The following MAPK8IP3 variants were observed in gnomAD, a reference collection of about 807,000 sequenced individuals.
The protein encoded by MAPK8IP3 is C-Jun-amino-terminal kinase-interacting protein 3.
Under a neutral mutation model 157.8 loss-of-function variants are expected in MAPK8IP3, and 49 were observed. That is an observed-to-expected ratio of 0.31 (90% CI 0.25 to 0.39). The LOEUF (loss-of-function observed/expected upper bound fraction) is 0.39. Ranked by LOEUF, MAPK8IP3 falls within the 10% of genes least tolerant of loss-of-function variation. MAPK8IP3 has a pLI of 1.00. For missense variants in MAPK8IP3, 1,478 were observed against 1,889.4 expected (o/e 0.78, Z 4.04); for synonymous variants, 897 against 777.7 (o/e 1.15, Z -2.55).
Position 1,763,686 on chromosome 16 carries a change from A to G in MAPK8IP3, c.1928A>G (p.Gln643Arg). The G allele has an allele frequency of 6.3e-7, 1 of 1,592,268 alleles. No homozygotes were observed. Among genetic ancestry groups the G allele is most frequent in the Non-Finnish European group, 8.6e-7 (1 of 1,167,784 alleles). ...DDCTSSARRE[Q>R]KREQYRQVRE... ...TGCACGTCCTCCGCCCGTCGAGAGC[A>G]GAAGCGCGAGCAGTACCGCCAGGTG... The change falls in exon 17 of 32, where the codon CAG becomes CGG. Residue 643 changes from glutamine (Q) to arginine (R), a missense_variant. By Grantham distance (43) the Gln-to-Arg change is conservative. This residue lies in a region of MAPK8IP3 where 669 missense variants were observed against 759.8 expected (regional missense o/e 0.88). Coordinates refer to ENST00000610761, the MANE Select transcript of MAPK8IP3 (RefSeq NM_001318852.2).
At position 1,758,011 on chromosome 16, in the gene MAPK8IP3, C is replaced by G; in HGVS notation, c.1217-137C>G. ...GGACCTGCTGGAGGCTGCTCCCTCT[C>G]TCTCCTGCCCTGCAACATGGGAGCA... On this transcript the variant is annotated intron_variant, in intron 8 of 31. Transcript: ENST00000610761. 5 of 858,352 alleles carry G rather than the reference C, an allele frequency of 5.8e-6. No individual in the cohort carries two copies. In the South Asian group the frequency reaches 7.8e-5, roughly 13 times the overall value. 53.2% of individuals were successfully genotyped at this position (858,352 alleles called of 1,614,324 possible).
In MAPK8IP3 at chr16:1,760,445, A is replaced by G; in HGVS notation, c.1370A>G (p.Glu457Gly). The change falls in exon 12 of 32, where the codon GAG (glutamate) becomes GGG (glycine). Residue 457 changes from glutamate (E) to glycine (G), a missense_variant. Transcript: ENST00000610761. ...AKVDQLSGEQ[E>G]VLRGELEAAK... ...GTCGACCAGCTGTCCGGGGAGCAGG[A>G]GGTGCTGAGGGGCGAGTTGGAGGCT... 3 of 1,613,938 alleles carry G rather than the reference A, an allele frequency of 1.9e-6. No homozygotes were observed. The highest frequency in any genetic ancestry group is 1.7e-6 in the Non-Finnish European group (2 of 1,179,920).
At position 1,748,598 on chromosome 16, in the gene MAPK8IP3, A is replaced by G; in HGVS notation, c.1098-4A>G. ...TCTCTCTCCCGACCTGTGGATCCCA[A>G]CAGCCCAACCCAGGGCATCGTGAAC... On this transcript the variant is annotated splice_region_variant and splice_polypyrimidine_tract_variant and intron_variant, in intron 7 of 31. Coordinates refer to ENST00000610761, the MANE Select transcript of MAPK8IP3 (RefSeq NM_001318852.2). 3.1e-6 allele frequency: 5 copies of G among 1,610,892 alleles called. No individual in the cohort carries two copies. Among genetic ancestry groups the G allele is most frequent in the Non-Finnish European group, 4.2e-6 (5 of 1,177,192 alleles).
chr16:1,747,988 G>A (rs909949196), intron 6 of MAPK8IP3, among the ~76,000 whole-genome samples: 2 of 152,238 alleles, frequency 1.3e-5, no homozygotes, highest in African/African-American at 4.8e-5. Flanking sequence ...GATCTCTGGG[G>A]ACTGGGCTTA....
In MAPK8IP3 at chr16:1,762,569, T is replaced by TG. The variant is rs1384787539; in HGVS notation, c.1670+94dup. 4.4e-6 allele frequency: 7 copies of TG among 1,576,388 alleles called. No homozygotes were observed. The East Asian group carries it at 6.7e-5, about 15-fold the overall frequency. On this transcript the variant is annotated intron_variant, in intron 14 of 31. Transcript: ENST00000610761. The stretch of plus-strand genomic sequence containing the variant: ...CCCTCCTCTGCACCTCCCTGTCTTC[T>TG]GGGGGGACTGAAGTGCGCTGGGTGC...
Position 1,729,054 on chromosome 16 carries a change from C to T in MAPK8IP3, c.440-84C>T, listed in dbSNP as rs2039109529. On this transcript the variant is annotated intron_variant, in intron 2 of 31. Coordinates refer to ENST00000610761, the MANE Select transcript of MAPK8IP3 (RefSeq NM_001318852.2). ...CAGAGTCCCAGCCTTGTCCTGGAACCCCCTCCCTCTGTGGTTACAACCCAA... is the reference window on the plus strand; with the variant it reads ...CAGAGTCCCAGCCTTGTCCTGGAACTCCCTCCCTCTGTGGTTACAACCCAA... The T allele has an allele frequency of 6.7e-6, 9 of 1,335,510 alleles. No individual in the cohort carries two copies. In the South Asian group the frequency reaches 9.5e-5, roughly 14 times the overall value. The allele number at this position is 1,335,510 out of a possible 1,614,324, so 82.7% of individuals were successfully genotyped here. A position where few individuals can be genotyped will look rare whatever the true frequency, so the allele number is the denominator to read the frequency against.
rs2040892502 is a variant in MAPK8IP3, at chr16:1,745,225, G to T, written c.747+1749G>T. The T allele has an allele frequency of 1.2e-5, 12 of 975,502 alleles. 1 individual carries two copies. In the South Asian group the frequency reaches 5.2e-4, roughly 42 times the overall value. 60.4% of individuals were successfully genotyped at this position (975,502 alleles called of 1,614,324 possible). ...GCAGCCACCATGAGGGTCAGGAGCA[G>T]GCCGGGGACCCAGCGTGGAGGAAGG... is the stretch of plus-strand genomic sequence containing the variant. On this transcript the variant is annotated intron_variant, in intron 5 of 31. Coordinates refer to ENST00000610761, the MANE Select transcript of MAPK8IP3 (RefSeq NM_001318852.2).
intron 4 of MAPK8IP3, among the ~76,000 whole-genome samples, chr16:1,736,936 G>A (rs1181217486): frequency 1.4e-5 from 1 of 72,726 alleles, no homozygotes; most frequent in Non-Finnish European, 2.6e-5. Flanking sequence ...GTGAGCATCC[G>A]TGACCGTCCA....
intron 4 of MAPK8IP3, among the ~76,000 whole-genome samples, chr16:1,736,876 G>A (rs868670587): frequency 6.8e-5 from 4 of 58,604 alleles, no homozygotes; most frequent in South Asian, 1.1e-3. Flanking sequence ...GTGAGCATCC[G>A]TGAGCGTGTG....
rs78885532 is a variant in MAPK8IP3, at chr16:1,729,246, A to G, written c.510+38A>G. The G allele has an allele frequency of 2.5e-6, 4 of 1,608,588 alleles. No homozygotes were observed. The African/African-American group carries it at 4.0e-5, about 16-fold the overall frequency. ...AGGCAAGCGCGGAGACGAGGGTTGG[A>G]GACAGGGCCGCGGCCTGACGCCTGC... On this transcript the variant is annotated intron_variant, in intron 3 of 31. Coordinates refer to ENST00000610761, the MANE Select transcript of MAPK8IP3 (RefSeq NM_001318852.2).
In MAPK8IP3 at chr16:1,761,226, T is replaced by G; in HGVS notation, c.1460T>G (p.Val487Gly). ...CTGCCTCCTTCCCCTTCCCACAGAG[T>G]GAAGTCCGAGGCCATCATCGCCCGC... ...IKELEEELKR[V>G]KSEAIIARRE... is the part of the protein sequence containing the mutation. The change falls in exon 13 of 32, where the codon GTG becomes GGG. Residue 487 changes from valine to glycine, a missense_variant and splice_region_variant. By Grantham distance (109) the Val-to-Gly change is moderately radical (BLOSUM62 -3). Transcript: ENST00000610761. 2 of 1,613,250 alleles carry G rather than the reference T, an allele frequency of 1.2e-6. No homozygotes were observed. Among genetic ancestry groups the G allele is most frequent in the Non-Finnish European group, 1.7e-6 (2 of 1,179,802 alleles).
At chr16:1,756,827 A>G (rs531016274) in intron 8 of MAPK8IP3, among the ~76,000 whole-genome samples, 2 of 152,256 alleles carry the variant, frequency 1.3e-5, no homozygotes, top group African/African-American at 2.4e-5. Flanking sequence ...GTCTCAAAAA[A>G]TAAATAAAGG....
Position 1,743,408 on chromosome 16 carries a change from C to G in MAPK8IP3, c.679C>G (p.Leu227Val). The G allele has an allele frequency of 6.2e-7, 1 of 1,609,870 alleles. No individual in the cohort carries two copies. Among genetic ancestry groups the G allele is most frequent in the African/African-American group, 1.3e-5 (1 of 74,830 alleles). Residue 227 changes from leucine to valine, a missense_variant, in exon 5 of 32, where the codon CTC becomes GTC. Around this residue, in one of 11 missense-constraint regions of MAPK8IP3, gnomAD observed 315 missense variants for 394.4 expected, o/e 0.80. Transcript: ENST00000610761. This position sits in a 1 kb window ranked among gnomAD's most constrained non-coding sequence, Gnocchi z 5.6. Reference sequence around the variant, plus strand: ...GGTACGTGCACAGATCGGGGGCAAGCTCGTGCCTGCGGGGGACCACTGGCA... The same window carrying G: ...GGTACGTGCACAGATCGGGGGCAAGGTCGTGCCTGCGGGGGACCACTGGCA... The part of the protein sequence containing the change: ...GTVRAQIGGK[L>V]VPAGDHWHLS...
Position 1,765,972 on chromosome 16 carries a change from G to A in MAPK8IP3, c.2459G>A (p.Ser820Asn). ...CISSIPAASD[S>N]DYPPGEMFLD... ...TCCCTCTCCCCAGCGGCCAGCGACAGCGACTACCCTCCCGGGGAGATGTTC... is the reference window on the plus strand; with the variant it reads ...TCCCTCTCCCCAGCGGCCAGCGACAACGACTACCCTCCCGGGGAGATGTTC... The change falls in exon 21 of 32, where the codon AGC becomes AAC. Residue 820 changes from serine (S) to asparagine (N), a missense_variant. Ser to Asn is a conservative substitution (Grantham distance 46). This residue lies in a region of MAPK8IP3 where 669 missense variants were observed against 759.8 expected (regional missense o/e 0.88). Transcript: ENST00000610761. 2.5e-6 allele frequency: 4 copies of A among 1,611,776 alleles called. No individual in the cohort carries two copies. The highest frequency in any genetic ancestry group is 3.4e-6 in the Non-Finnish European group (4 of 1,179,316).
Position 1,737,065 on chromosome 16 carries a change from CGT to C in MAPK8IP3, c.603-6263_603-6262del, listed in dbSNP as rs557483976. On this transcript the variant is annotated intron_variant, in intron 4 of 31. Transcript: ENST00000610761. ...CCGTGTGACCGTCCGTGTGAGCGTCCGTGTGAGCGTGTGACCGTCCGTGTGAG... is the reference window on the plus strand; with the variant it reads ...CCGTGTGACCGTCCGTGTGAGCGTCCGTGAGCGTGTGACCGTCCGTGTGAG... 8.7e-4 allele frequency among the ~76,000 whole-genome samples: 52 copies of C among 59,626 alleles called. 2 individuals are homozygous for C. Among genetic ancestry groups the C allele is most frequent in the African/African-American group, 3.1e-3 (47 of 15,310 alleles). 39.1% of individuals were successfully genotyped at this position (59,626 alleles called of 152,430 possible).
chr16:1,763,660 C>T lies in MAPK8IP3; in HGVS notation c.1902C>T (p.Asp634=). The change falls in exon 17 of 32, where the codon GAC becomes GAT. Residue 634 remains aspartate (D), a synonymous_variant. Coordinates refer to ENST00000610761, the MANE Select transcript of MAPK8IP3 (RefSeq NM_001318852.2). ...SRPLEFFPDD[D]CTSSARREQK... ...CACCCATCATTCTTCCACTCAGCGA[C>T]TGCACGTCCTCCGCCCGTCGAGAGC... 2 of 1,568,622 alleles carry T rather than the reference C, an allele frequency of 1.3e-6. No individual in the cohort carries two copies. The highest frequency in any genetic ancestry group is 1.7e-6 in the Non-Finnish European group (2 of 1,154,516).
At chr16:1,735,766 A>G (rs1238452631) in intron 4 of MAPK8IP3, among the ~76,000 whole-genome samples, 4 of 127,990 alleles carry the variant, frequency 3.1e-5, no homozygotes, top group African/African-American at 9.3e-5. Context: ...CATCCGTGTG[A>G]CCGTCCATGT....
At chr16:1,715,334 C>T (rs1421777673) in intron 1 of MAPK8IP3, among the ~76,000 whole-genome samples, 1 of 152,142 alleles carries the variant, frequency 6.6e-6, no homozygotes, top group Non-Finnish European at 1.5e-5. Flanking sequence ...TTTGTAACTC[C>T]AGAGCCACCC....
Position 1,766,900 on chromosome 16 carries a change from T to G in MAPK8IP3, c.3021-4T>G, listed in dbSNP as rs770363761. Reference sequence around the variant, plus strand: ...AAACCAGGCTCACCGCATTCCTGTTTCAGGCATGTCAAAGGCCGTGTGCTG... The same window carrying G: ...AAACCAGGCTCACCGCATTCCTGTTGCAGGCATGTCAAAGGCCGTGTGCTG... On this transcript the variant is annotated splice_polypyrimidine_tract_variant and splice_region_variant and intron_variant, in intron 24 of 31. Transcript: ENST00000610761. 6 of 1,604,474 alleles carry G rather than the reference T, an allele frequency of 3.7e-6. No individual in the cohort carries two copies. The Admixed American group carries it at 5.0e-5, about 13-fold the overall frequency.
Sources: gnomAD v4.1 joint callset for allele counts (sites outside exome capture counted in the v4.1 genomes callset) on GRCh38, gnomAD v4.1.1 for gene constraint, gnomAD v4.1.1 regional missense constraint, Gnocchi (gnomAD v3.1) non-coding constraint, MANE v1.5 for transcripts, NCBI Gene and HGNC (gene_info 2026-07-23, HGNC 2026-07-21) for gene names.